TOMM7: variants seen among roughly 807,000 people sequenced by gnomAD.
TOMM7 encodes the protein mitochondrial import receptor subunit TOM7 homolog.
In TOMM7, 8 loss-of-function variants were observed where a neutral mutation model predicts 9.5. That is an observed-to-expected ratio of 0.84 (90% confidence interval 0.49 to 1.51). TOMM7 has a LOEUF of 1.51. Ranked by LOEUF, TOMM7 falls within the 40% of genes most tolerant of loss-of-function variation. TOMM7 has a pLI of 0.00. For missense variants in TOMM7, 74 were observed against 63.7 expected (o/e 1.16, Z -0.55); for synonymous variants, 27 against 21.4 (o/e 1.26, Z -0.72).
intron 2 of TOMM7, 90 bp downstream of exon 2, chr7:22,817,910 A>T (rs1008091859): frequency 2.3e-6 from 3 of 1,280,604 alleles, no homozygotes; most frequent in Admixed American, 3.6e-5. Flanking sequence ...CTCCATTTCA[A>T]GGCCTGCCAC....
At chr7:22,814,940 T>A (rs1019194056) in intron 2 of TOMM7, among the ~76,000 whole-genome samples, 2 of 152,226 alleles carry the variant, frequency 1.3e-5, no homozygotes, top group African/African-American at 4.8e-5. Context: ...GCAGGTATAA[T>A]TCTGTTCCTT....
At chr7:22,820,786 T>C (rs1347799579) in intron 1 of TOMM7, among the ~76,000 whole-genome samples, 1 of 152,118 alleles carries the variant, frequency 6.6e-6, no homozygotes, top group Non-Finnish European at 1.5e-5. Context: ...ACAAAGTCAC[T>C]AAAATCTAGA....
chr7:22,817,860 G>A, intron 2 of TOMM7, 140 bp downstream of exon 2: 1 of 662,320 alleles, frequency 1.5e-6, no homozygotes, highest in Non-Finnish European at 2.6e-6. Context: ...GAAAGTAGTT[G>A]CAGTTTTCCA....
intron 2 of TOMM7, chr7:22,817,460 C>A: frequency 4.8e-6 from 1 of 208,086 alleles, no homozygotes; most frequent in Non-Finnish European, 1.0e-5. Context: ...CCAGGCTGGT[C>A]TTGAACTCCT....
chr7:22,821,405 CAAAAAAAAAAAAA>C (rs76073004), intron 1 of TOMM7, among the ~76,000 whole-genome samples: 2 of 122,948 alleles, frequency 1.6e-5, no homozygotes, highest in African/African-American at 5.6e-5. Flanking sequence ...GACCCCGTCT[CAAAAAAAAAAAAA>C]AAAAAGAAAA....
intron 1 of TOMM7, among the ~76,000 whole-genome samples, chr7:22,819,041 G>T (rs1032093861): frequency 1.3e-5 from 2 of 152,010 alleles, no homozygotes; most frequent in African/African-American, 4.8e-5. Context: ...GGCGGCAGGG[G>T]ATGGATCATC....
chr7:22,821,236 C>T (rs1035427140), intron 1 of TOMM7, among the ~76,000 whole-genome samples: 112 of 151,620 alleles, frequency 7.4e-4, no homozygotes, highest in African/African-American at 2.6e-3. Flanking sequence ...ACGGTGAAAC[C>T]CCGTTTCTAG....
At chr7:22,819,732 G>A (rs1782362775) in intron 1 of TOMM7, among the ~76,000 whole-genome samples, 1 of 152,154 alleles carries the variant, frequency 6.6e-6, no homozygotes, top group East Asian at 1.9e-4. Flanking sequence ...CTGGCTGAAG[G>A]TACTATTTTC....
intron 1 of TOMM7, among the ~76,000 whole-genome samples, chr7:22,821,518 G>A (rs1782391042): frequency 6.6e-6 from 1 of 152,148 alleles, no homozygotes; most frequent in South Asian, 2.1e-4. Context: ...GGCTGGAGGG[G>A]AGGTAGCTAA....
chr7:22,812,996 G>A lies in TOMM7; in HGVS notation c.*174C>T, dbSNP rs1782267637. On this transcript the variant is annotated 3_prime_UTR_variant, in exon 3 of 3. Coordinates refer to ENST00000358435, the MANE Select transcript of TOMM7 (RefSeq NM_019059.5). ...TAACACTGTTAAAAACATTTATTCT[G>A]ATACATTCTATCATAAGTTAGTACA... 1 of 642,766 alleles carries A rather than the reference G, an allele frequency of 1.6e-6. No homozygotes were observed. The highest frequency in any genetic ancestry group is 1.8e-5 in the African/African-American group (1 of 54,754). 39.8% of individuals were successfully genotyped at this position (642,766 alleles called of 1,614,324 possible).
chr7:22,813,179 A>G lies in TOMM7; in HGVS notation c.159T>C (p.Leu53=), dbSNP rs1445667931. ...GMPEPTVLSL[L]WG ...AAGACCAAATAATCCTTTATCCCCA[A>G]AGTAGGCTAAAATGTTTGTGAAGAG... Residue 53 remains leucine (L), a synonymous_variant, in exon 3 of 3, where the codon CTT becomes CTC. Transcript: ENST00000358435. The G allele has an allele frequency of 4.3e-6, 7 of 1,612,856 alleles. No individual in the cohort carries two copies. Among genetic ancestry groups the G allele is most frequent in the Non-Finnish European group, 5.9e-6 (7 of 1,179,554 alleles).
In TOMM7 at chr7:22,822,193, T is replaced by A. The variant is rs1379771088; in HGVS notation, c.103+484A>T. On this transcript the variant is annotated intron_variant, in intron 1 of 2. Coordinates refer to ENST00000358435, the MANE Select transcript of TOMM7 (RefSeq NM_019059.5). The stretch of plus-strand genomic sequence containing the variant: ...CAGTAATAGAAATCATCCAAACCCT[T>A]CATCGTACAGGTAAGAAAGCAGAGG... The A allele has an allele frequency of 1.5e-5, 23 of 1,550,798 alleles. 1 individual carries two copies. In the South Asian group the frequency reaches 1.9e-4, roughly 13 times the overall value.
In TOMM7 at chr7:22,822,738, C is replaced by T. The variant is rs1240116576; in HGVS notation, c.42G>A (p.Gln14=). 1.9e-6 allele frequency: 3 copies of T among 1,614,232 alleles called. No homozygotes were observed. Among genetic ancestry groups the T allele is most frequent in the African/African-American group, 2.7e-5 (2 of 75,066 alleles). Residue 14 remains glutamine, a synonymous_variant, in exon 1 of 3, where the codon CAG becomes CAA. Coordinates refer to ENST00000358435, the MANE Select transcript of TOMM7 (RefSeq NM_019059.5). ...TGGCAAACTGGCTCCCCTTGAAGAG[C>T]TGCTGTAGTCTCTGCTTGGCCTCTT... ...LSKEAKQRLQ[Q]LFKGSQFAIR... is the part of the protein sequence containing the mutation.
intron 2 of TOMM7, among the ~76,000 whole-genome samples, chr7:22,814,205 C>G (rs1457641223): frequency 1.3e-5 from 2 of 150,810 alleles, no homozygotes; most frequent in African/African-American, 4.9e-5. Flanking sequence ...CAAAAATTAG[C>G]CGGACTTGGT....
chr7:22,821,405 C>CA (rs76073004), intron 1 of TOMM7, among the ~76,000 whole-genome samples: 171 of 122,960 alleles, frequency 1.4e-3, no homozygotes, highest in South Asian at 4.2e-3. Flanking sequence ...GACCCCGTCT[C>CA]AAAAAAAAAA....
At chr7:22,821,023 A>C (rs1782380902) in intron 1 of TOMM7, among the ~76,000 whole-genome samples, 1 of 152,200 alleles carries the variant, frequency 6.6e-6, no homozygotes, top group African/African-American at 2.4e-5. Context: ...TGAGTTTTAC[A>C]ATTGTCAAAC....
At chr7:22,819,643 G>A (rs969785847) in intron 1 of TOMM7, among the ~76,000 whole-genome samples, 1 of 152,196 alleles carries the variant, frequency 6.6e-6, no homozygotes, top group Non-Finnish European at 1.5e-5. Context: ...ACATGTGGTG[G>A]ATTGCACTGC....
intron 1 of TOMM7, chr7:22,822,319 G>T: frequency 6.6e-7 from 1 of 1,513,196 alleles, no homozygotes. Context: ...GGACCACATG[G>T]AGCGGTGAGG....
chr7:22,817,855 T>C, intron 2 of TOMM7, 145 bp downstream of exon 2: 1 of 638,818 alleles, frequency 1.6e-6, no homozygotes, highest in Non-Finnish European at 2.8e-6. Context: ...GAAGAGAAAG[T>C]AGTTGCAGTT....
Sources: gnomAD v4.1 joint callset for allele counts (sites outside exome capture counted in the v4.1 genomes callset) on GRCh38, gnomAD v4.1.1 for gene constraint, MANE v1.5 for transcripts, NCBI Gene and HGNC (gene_info 2026-07-23, HGNC 2026-07-21) for gene names.